GPR137B: variants seen among roughly 807,000 people sequenced by gnomAD.
GPR137B encodes the protein G protein-coupled receptor 137B, also known as integral membrane protein GPR137B.
In GPR137B, 42 loss-of-function variants were observed where a neutral mutation model predicts 42.5. The ratio of observed to expected loss-of-function variants is 0.99; its 90% CI spans 0.77 to 1.28. The LOEUF is 1.28. Among genes scored for constraint, GPR137B ranks in the 50% most tolerant of loss-of-function variants. GPR137B has a pLI of 0.00. For missense variants in GPR137B, 487 were observed against 493.9 expected, an observed-to-expected ratio of 0.99 and a Z score of 0.13; for synonymous variants, 218 against 209.7, an observed-to-expected ratio of 1.04 and a Z score of -0.34.
At chr1:236,194,201 A>C (rs1263388438) in intron 5 of GPR137B, among the ~76,000 whole-genome samples, 1 of 150,852 alleles carries the variant, frequency 6.6e-6, no homozygotes, top group Non-Finnish European at 1.5e-5. Context: ...TTCAACTTAC[A>C]ATGAGTTTAT....
intron 1 of GPR137B, among the ~76,000 whole-genome samples, chr1:236,149,563 G>A (rs926371392): frequency 1.3e-5 from 2 of 152,240 alleles, no homozygotes; most frequent in African/African-American, 4.8e-5. Context: ...AAGGGGCTTC[G>A]GCTGTGGCTC....
intron 1 of GPR137B, among the ~76,000 whole-genome samples, chr1:236,163,581 GC>G (rs1423371964): frequency 6.6e-6 from 1 of 152,250 alleles, no homozygotes; most frequent in African/African-American, 2.4e-5. Context: ...AATCACGGGG[GC>G]CGGTCTTTCT....
At chr1:236,173,290 C>CA (rs66639028) in intron 2 of GPR137B, among the ~76,000 whole-genome samples, 1,163 of 86,228 alleles carry the variant, frequency 0.013, 10 homozygotes, top group African/African-American at 0.038. Flanking sequence ...GACCCTGTCT[C>CA]AAAAAAAAAA....
chr1:236,146,954 G>A (rs572640448), intron 1 of GPR137B, among the ~76,000 whole-genome samples: 31 of 152,292 alleles, frequency 2.0e-4, no homozygotes, highest in African/African-American at 7.5e-4. Flanking sequence ...GATTACAGGT[G>A]TGCGCCACCA....
chr1:236,194,519 C>G (rs1050237659), intron 5 of GPR137B, among the ~76,000 whole-genome samples: 1 of 152,114 alleles, frequency 6.6e-6, no homozygotes, highest in Non-Finnish European at 1.5e-5. Context: ...TTTAGATAGC[C>G]GTCATGTGGC....
At chr1:236,145,444 C>T (rs1025634031) in intron 1 of GPR137B, among the ~76,000 whole-genome samples, 6 of 152,148 alleles carry the variant, frequency 3.9e-5, no homozygotes, top group Admixed American at 6.5e-5. Context: ...CTGCAGCCTC[C>T]GCCTCCCGGG....
intron 3 of GPR137B, 36 bp downstream of exon 3, chr1:236,178,672 A>G (rs1662766116): frequency 7.7e-7 from 1 of 1,297,988 alleles, no homozygotes; most frequent in South Asian, 1.2e-5. Flanking sequence ...CTCCCATGAA[A>G]CGTGTTCTAA....
chr1:236,164,634 G>A (rs1662294578), intron 1 of GPR137B, among the ~76,000 whole-genome samples: 1 of 152,194 alleles, frequency 6.6e-6, no homozygotes, highest in Non-Finnish European at 1.5e-5. Context: ...GGAGAGTTTA[G>A]ATTTTTGTTT....
chr1:236,207,141 G>A (rs1342599286), intron 6 of GPR137B: 6 of 985,064 alleles, frequency 6.1e-6, no homozygotes, highest in Non-Finnish European at 7.2e-6. Context: ...AGGGACAGAA[G>A]TACTGAAGAA....
chr1:236,177,803 G>C (rs1223591756), intron 2 of GPR137B, among the ~76,000 whole-genome samples: 1 of 151,880 alleles, frequency 6.6e-6, no homozygotes, highest in East Asian at 1.9e-4. Context: ...CTATCCACCT[G>C]CCTTGGCCTC....
At chr1:236,197,949 G>C (rs1313482195) in intron 5 of GPR137B, among the ~76,000 whole-genome samples, 1 of 152,146 alleles carries the variant, frequency 6.6e-6, no homozygotes, top group Non-Finnish European at 1.5e-5. Flanking sequence ...TTGAACTCCT[G>C]ACCTCAAGTG....
At chr1:236,194,823 G>T (rs1180863814) in intron 5 of GPR137B, among the ~76,000 whole-genome samples, 1 of 152,130 alleles carries the variant, frequency 6.6e-6, no homozygotes, top group Non-Finnish European at 1.5e-5. Context: ...GGCAGAAACA[G>T]GATGAAATGA....
chr1:236,151,818 G>T (rs1661875216), intron 1 of GPR137B, among the ~76,000 whole-genome samples: 1 of 152,148 alleles, frequency 6.6e-6, no homozygotes. Flanking sequence ...CGGTGGGGTT[G>T]GCTCTGTGGG....
At chr1:236,207,214 T>C (rs1663689565) in intron 6 of GPR137B, 1 of 985,100 alleles carries the variant, frequency 1.0e-6, no homozygotes, top group East Asian at 1.1e-4. Flanking sequence ...TCAGATAGGA[T>C]AAAAGATTGT....
chr1:236,207,902 T>A, intron 6 of GPR137B, 148 bp from the exon 7 acceptor site: 1 of 609,576 alleles, frequency 1.6e-6, no homozygotes, highest in Non-Finnish European at 2.9e-6. Context: ...CATGGTTTTG[T>A]GGGAAAATGG....
At chr1:236,200,018 C>T (rs1179967847) in intron 5 of GPR137B, among the ~76,000 whole-genome samples, 1 of 151,978 alleles carries the variant, frequency 6.6e-6, no homozygotes, top group East Asian at 1.9e-4. Flanking sequence ...CTCAGCCCCA[C>T]TTTTGCTGTG....
intron 6 of GPR137B, among the ~76,000 whole-genome samples, chr1:236,207,838 G>A (rs898038349): frequency 6.6e-6 from 1 of 152,024 alleles, no homozygotes; most frequent in Non-Finnish European, 1.5e-5. Context: ...TGTATACTCT[G>A]TGCTCTAAAG....
chr1:236,181,850 G>C (rs375191685), intron 4 of GPR137B, among the ~76,000 whole-genome samples: 1 of 147,924 alleles, frequency 6.8e-6, no homozygotes, highest in East Asian at 2.1e-4. Context: ...AATACACAAA[G>C]GATTTGATTT....
chr1:236,156,395 G>T lies in GPR137B; in HGVS notation c.415-12311G>T, dbSNP rs184477986. On this transcript the variant is annotated intron_variant, in intron 1 of 6. Coordinates refer to ENST00000366592, the MANE Select transcript of GPR137B (RefSeq NM_003272.4). The surrounding 1 kb of genome is among the most constrained non-coding windows in gnomAD (Gnocchi z 4.8). Reference sequence around the variant, plus strand: ...CCCAGAACTTTATGGCATGGACAGCGTGCTTGCTTGCCTTTTCTGGCCAGT... The same window carrying T: ...CCCAGAACTTTATGGCATGGACAGCTTGCTTGCTTGCCTTTTCTGGCCAGT... Among the ~76,000 whole-genome samples the T allele has an allele frequency of 6.6e-6, 1 of 152,242 alleles. No individual in the cohort carries two copies. The highest frequency in any genetic ancestry group is 1.9e-4 in the East Asian group (1 of 5,202).
Sources: gnomAD v4.1 joint callset for allele counts (sites outside exome capture counted in the v4.1 genomes callset) on GRCh38, gnomAD v4.1.1 for gene constraint, Gnocchi (gnomAD v3.1) non-coding constraint, MANE v1.5 for transcripts, NCBI Gene and HGNC (gene_info 2026-07-23, HGNC 2026-07-21) for gene names.